Variants in SULF1 observed in about 807,000 individuals in gnomAD.
SULF1 encodes the protein sulfatase 1.
SULF1 carries 46 observed loss-of-function variants against 110.5 expected under a neutral mutation model. The ratio of observed to expected loss-of-function variants is 0.42; its 90% confidence interval spans 0.33 to 0.53. SULF1 has a LOEUF of 0.53. Among genes scored for constraint, SULF1 ranks in the 20% least tolerant of loss-of-function variants. The pLI is 0.12. For synonymous variants in SULF1, 371 were observed against 387.1 expected, an observed-to-expected ratio of 0.96 and a Z score of 0.49; for missense variants, 941 against 1,094.2, an observed-to-expected ratio of 0.86 and a Z score of 1.98.
chr8:69,604,180 A>G (rs1340865315), intron 12 of SULF1, among the ~76,000 whole-genome samples: 1 of 152,222 alleles, frequency 6.6e-6, no homozygotes, highest in Non-Finnish European at 1.5e-5. Context: ...ATAAATTCTC[A>G]TAAGCTTGGA....
chr8:69,516,518 G>A (rs1811930581), intron 3 of SULF1, among the ~76,000 whole-genome samples: 1 of 152,200 alleles, frequency 6.6e-6, no homozygotes, highest in African/African-American at 2.4e-5. Context: ...TTCAACATAA[G>A]ATTTGGGTGG....
intron 3 of SULF1, among the ~76,000 whole-genome samples, chr8:69,548,593 A>G (rs1053507171): frequency 4.7e-5 from 7 of 149,158 alleles, no homozygotes; most frequent in African/African-American, 1.5e-4. Flanking sequence ...GATTACAGGC[A>G]TGCACCACCA....
chr8:69,572,091 G>A (rs1805272911), intron 5 of SULF1, among the ~76,000 whole-genome samples: 1 of 152,208 alleles, frequency 6.6e-6, no homozygotes, highest in Non-Finnish European at 1.5e-5. Flanking sequence ...GGAGACAGGT[G>A]TTAATGTCAG....
intron 3 of SULF1, among the ~76,000 whole-genome samples, chr8:69,529,781 G>A (rs1027841797): frequency 1.3e-5 from 2 of 152,196 alleles, no homozygotes; most frequent in African/African-American, 4.8e-5. Context: ...CTCACCACAT[G>A]CATGGAAACT....
Position 69,586,297 on chromosome 8 carries a change from TC to T in SULF1, c.413-58del, listed in dbSNP as rs1806455712. On this transcript the variant is annotated intron_variant, in intron 6 of 22. Transcript: ENST00000402687. ...TTTTCAAGTCATAATTTTATACTTA[TC>T]CATTTATTTATGATTAATCATTTTA... 20 of 1,473,580 alleles carry T rather than the reference TC, an allele frequency of 1.4e-5. No homozygotes were observed. In the South Asian group the frequency reaches 2.5e-4, roughly 18 times the overall value. 91.3% of individuals were successfully genotyped at this position (1,473,580 alleles called of 1,614,324 possible). A position where few individuals can be genotyped will look rare whatever the true frequency, so the allele number is the denominator to read the frequency against.
rs141225696 is a variant in SULF1 at position 69,554,978 on chromosome 8, C to CAAAAAAAAAAAAAAAA, written c.-133-8556_-133-8541dup. On this transcript the variant is annotated intron_variant, in intron 3 of 22. Transcript: ENST00000402687. The stretch of plus-strand genomic sequence containing the variant: ...TGGGCGACAGGGCGAGATTCCATCT[C>CAAAAAAAAAAAAAAAA]AAAAAAAAAAAAAAAAAAAACAAAA... Among the ~76,000 whole-genome samples the CAAAAAAAAAAAAAAAA allele has an allele frequency of 7.9e-5, 5 of 63,484 alleles. 1 individual carries two copies. Among genetic ancestry groups the CAAAAAAAAAAAAAAAA allele is most frequent in the African/African-American group, 5.0e-4 (5 of 10,062 alleles). The allele number at this position is 63,484 out of a possible 152,430, so 41.6% of individuals were successfully genotyped here. A position where few individuals can be genotyped will look rare whatever the true frequency, so the allele number is the denominator to read the frequency against.
chr8:69,505,839 C>T (rs1337731249), intron 3 of SULF1, among the ~76,000 whole-genome samples: 2 of 151,732 alleles, frequency 1.3e-5, no homozygotes, highest in Non-Finnish European at 2.9e-5. Flanking sequence ...CACAGAATAT[C>T]AACTCATTTA....
intron 3 of SULF1, among the ~76,000 whole-genome samples, chr8:69,550,336 T>G (rs1814605607): frequency 6.6e-6 from 1 of 152,064 alleles, no homozygotes; most frequent in African/African-American, 2.4e-5. Context: ...TATGATAAAG[T>G]GAACTAATGA....
rs1377670207 is a variant in SULF1 at position 69,658,629 on chromosome 8, A to T, written c.*94A>T. 9.6e-7 allele frequency: 1 copy of T among 1,036,722 alleles called. No homozygotes were observed. The highest frequency in any genetic ancestry group is 1.7e-5 in the Admixed American group (1 of 57,480). The allele number at this position is 1,036,722 out of a possible 1,614,324, so 64.2% of individuals were successfully genotyped here. A position where few individuals can be genotyped will look rare whatever the true frequency, so the allele number is the denominator to read the frequency against. On this transcript the variant is annotated 3_prime_UTR_variant, in exon 23 of 23. Transcript: ENST00000402687. Reference sequence around the variant, plus strand: ...TCTATGAGTACAGACAAAACTACAGACTTAGTCTGGTGGACTGGACTAATT... The same window carrying T: ...TCTATGAGTACAGACAAAACTACAGTCTTAGTCTGGTGGACTGGACTAATT...
chr8:69,631,737 T>A (rs1360146930), intron 19 of SULF1, among the ~76,000 whole-genome samples: 1 of 152,170 alleles, frequency 6.6e-6, no homozygotes, highest in Admixed American at 6.5e-5. Flanking sequence ...TTGTTTCCCC[T>A]CCCTGGAAGG....
intron 3 of SULF1, among the ~76,000 whole-genome samples, chr8:69,516,847 C>A (rs1811958752): frequency 1.3e-5 from 2 of 151,990 alleles, no homozygotes. Flanking sequence ...ATATGTTTTA[C>A]AGATACATTA....
chr8:69,525,385 A>G (rs529800171), intron 3 of SULF1, among the ~76,000 whole-genome samples: 1 of 152,244 alleles, frequency 6.6e-6, no homozygotes, highest in Admixed American at 6.5e-5. Flanking sequence ...ATTTCCCTGG[A>G]GTAAGTTTCC....
At chr8:69,549,401 A>G (rs1814527244) in intron 3 of SULF1, among the ~76,000 whole-genome samples, 2 of 152,202 alleles carry the variant, frequency 1.3e-5, no homozygotes, top group African/African-American at 4.8e-5. Context: ...ACTGTGATAG[A>G]TAATTGAGGT....
intron 3 of SULF1, among the ~76,000 whole-genome samples, chr8:69,521,469 A>T (rs980729022): frequency 1.3e-5 from 2 of 152,202 alleles, no homozygotes; most frequent in African/African-American, 2.4e-5. Context: ...AGGTGGTAAG[A>T]TTTGAACAAA....
chr8:69,468,037 CAT>C (rs1335586947), intron 1 of SULF1, among the ~76,000 whole-genome samples: 4 of 152,066 alleles, frequency 2.6e-5, no homozygotes, highest in African/African-American at 9.7e-5. Context: ...GGGATCAAAA[CAT>C]AAAATTTTTT....
chr8:69,529,542 A>T (rs888106244), intron 3 of SULF1, among the ~76,000 whole-genome samples: 4 of 152,236 alleles, frequency 2.6e-5, no homozygotes, highest in African/African-American at 9.6e-5. Context: ...AGCTTCTGTG[A>T]ATCAGGAATG....
chr8:69,642,432 T>G, intron 22 of SULF1: 1 of 983,730 alleles, frequency 1.0e-6, no homozygotes, highest in Non-Finnish European at 1.2e-6. Context: ...TTTTCTCTTG[T>G]TCTTCATCTT....
chr8:69,604,271 T>TC (rs1476927550), intron 12 of SULF1, among the ~76,000 whole-genome samples: 1 of 152,202 alleles, frequency 6.6e-6, no homozygotes, highest in Non-Finnish European at 1.5e-5. Flanking sequence ...ATTGAGTTTC[T>TC]CTACCATCCT....
At chr8:69,597,562 G>A (rs1256921424) in intron 8 of SULF1, 2 of 152,154 alleles carry the variant, frequency 1.3e-5, no homozygotes, top group African/African-American at 2.4e-5. Context: ...CTGTAAATCC[G>A]GGAGTCCAAT....
Sources: gnomAD v4.1 joint callset for allele counts (sites outside exome capture counted in the v4.1 genomes callset) on GRCh38, gnomAD v4.1.1 for gene constraint, MANE v1.5 for transcripts, NCBI Gene and HGNC (gene_info 2026-07-23, HGNC 2026-07-21) for gene names.